Variants in DYRK1A observed in about 807,000 individuals in gnomAD.
The protein encoded by DYRK1A is dual specificity tyrosine phosphorylation regulated kinase 1A.
In DYRK1A, 9 loss-of-function variants were observed where a neutral mutation model predicts 79.7. The observed-to-expected ratio is 0.11, with a 90% CI of 0.07 to 0.20. The LOEUF (loss-of-function observed/expected upper bound fraction) is 0.20. Ranked by LOEUF, DYRK1A falls within the 10% of genes least tolerant of loss-of-function variation. The probability of loss-of-function intolerance (pLI) is 1.00; values close to 1 mark genes in which losing one functional copy is unlikely to be tolerated. For missense variants in DYRK1A, 622 were observed against 956.0 expected (o/e 0.65, Z 4.61); for synonymous variants, 349 against 329.7 (o/e 1.06, Z -0.63).
At chr21:37,455,760 C>G (rs2051616515) in intron 2 of DYRK1A, among the ~76,000 whole-genome samples, 1 of 152,188 alleles carries the variant, frequency 6.6e-6, no homozygotes, top group Admixed American at 6.5e-5. Flanking sequence ...TTCGTTCTAT[C>G]ATTTAGCATT....
chr21:37,381,803 AAAC>A (rs987546704), intron 1 of DYRK1A, among the ~76,000 whole-genome samples: 8 of 152,192 alleles, frequency 5.3e-5, no homozygotes, highest in African/African-American at 1.9e-4. Flanking sequence ...TCAAAAACAA[AAAC>A]AACAACAAAA....
chr21:37,404,086 A>T lies in DYRK1A; in HGVS notation c.-76-16213A>T, dbSNP rs551846093. Among the ~76,000 whole-genome samples, 16 of 152,252 alleles carry T rather than the reference A, an allele frequency of 1.1e-4. No homozygotes were observed. In the South Asian group the frequency reaches 2.1e-3, roughly 20 times the overall value. ...GTCTTGAAGGAGGAAGGGAATGTTCAGGTGTGTATTAGGGTTCTCCAGAGA... is the reference window on the plus strand; with the variant it reads ...GTCTTGAAGGAGGAAGGGAATGTTCTGGTGTGTATTAGGGTTCTCCAGAGA... On this transcript the variant is annotated intron_variant, in intron 1 of 11. Transcript: ENST00000647188.
chr21:37,424,621 A>T lies in DYRK1A; in HGVS notation c.10+4237A>T, dbSNP rs185025134. 7.3e-3 allele frequency among the ~76,000 whole-genome samples: 1,107 copies of T among 152,318 alleles called. 16 individuals carry two copies. The highest frequency in any genetic ancestry group is 0.032 in the Admixed American group (497 of 15,306). ...TTGCTGTTACTTTGAACTTGGAGCA[A>T]ATCCAGGGTACTCAGAATGCTTTTG... is the stretch of plus-strand genomic sequence containing the variant. On this transcript the variant is annotated intron_variant, in intron 2 of 11. Coordinates refer to ENST00000647188, the MANE Select transcript of DYRK1A (RefSeq NM_001347721.2).
At position 37,514,875 on chromosome 21, in the gene DYRK1A, C is replaced by A. The variant is rs1441987357; in HGVS notation, c.*2344C>A. ...GTGCTGGTTGCCACATCTTAGCAAG[C>A]ACCAAAAAACTAAAGCAGTTTTTAA... is the stretch of plus-strand genomic sequence containing the variant. On this transcript the variant is annotated 3_prime_UTR_variant, in exon 12 of 12. Transcript: ENST00000647188. 1 of 152,342 alleles carries A rather than the reference C, an allele frequency of 6.6e-6. No homozygotes were observed. The highest frequency in any genetic ancestry group is 1.5e-5 in the Non-Finnish European group (1 of 67,972). The allele number at this position is 152,342 out of a possible 1,614,324, so 9.4% of individuals were successfully genotyped here.
chr21:37,388,620 T>C (rs1015285571), intron 1 of DYRK1A, among the ~76,000 whole-genome samples: 9 of 152,092 alleles, frequency 5.9e-5, no homozygotes, highest in African/African-American at 1.7e-4. Context: ...AGAAATTGCC[T>C]TGTTTGACAA....
At chr21:37,388,418 G>A (rs543448638) in intron 1 of DYRK1A, among the ~76,000 whole-genome samples, 106 of 152,150 alleles carry the variant, frequency 7.0e-4, no homozygotes, top group African/African-American at 2.2e-3. Context: ...AAACCTAGAT[G>A]TATAATTTCA....
At chr21:37,471,659 G>T (rs1175322304) in intron 2 of DYRK1A, among the ~76,000 whole-genome samples, 2 of 152,172 alleles carry the variant, frequency 1.3e-5, no homozygotes, top group African/African-American at 4.8e-5. Flanking sequence ...GTCACCGGTA[G>T]TGCTGGGATC....
intron 1 of DYRK1A, among the ~76,000 whole-genome samples, chr21:37,400,364 T>C (rs1039578254): frequency 2.0e-5 from 3 of 152,218 alleles, no homozygotes; most frequent in African/African-American, 7.2e-5. Context: ...TTTCACAGTG[T>C]AGGATGTAGA....
At chr21:37,506,444 T>A in intron 11 of DYRK1A, 1 of 1,382,402 alleles carries the variant, frequency 7.2e-7, no homozygotes, top group Admixed American at 2.5e-5. Flanking sequence ...ATAACAGTTG[T>A]TGTTTTGAAC....
At chr21:37,401,302 C>G (rs1034085245) in intron 1 of DYRK1A, among the ~76,000 whole-genome samples, 2 of 151,868 alleles carry the variant, frequency 1.3e-5, no homozygotes, top group Non-Finnish European at 2.9e-5. Context: ...AGAAAGGTGC[C>G]AGTGGAAAGT....
intron 1 of DYRK1A, among the ~76,000 whole-genome samples, chr21:37,369,684 C>T (rs2049391730): frequency 6.6e-6 from 1 of 152,200 alleles, no homozygotes; most frequent in African/African-American, 2.4e-5. Flanking sequence ...CATGAAGGCA[C>T]ACTCCTTTTT....
chr21:37,391,293 A>T (rs569280631), intron 1 of DYRK1A, among the ~76,000 whole-genome samples: 2 of 152,202 alleles, frequency 1.3e-5, no homozygotes, highest in Non-Finnish European at 2.9e-5. Context: ...AGGTTTGGGG[A>T]TACATGAGCT....
rs2053905428 is a variant in DYRK1A at position 37,518,697 on chromosome 21, C to G, written c.*6166C>G. 1 of 147,246 alleles carries G rather than the reference C, an allele frequency of 6.8e-6. No homozygotes were observed. The highest frequency in any genetic ancestry group is 2.5e-5 in the African/African-American group (1 of 39,460). The allele number at this position is 147,246 out of a possible 1,614,324, so 9.1% of individuals were successfully genotyped here. Reference sequence around the variant, plus strand: ...GGGGTGTGATCTCGGCTCACTGCAACCTCCATTTCCCAGATTCAAGCGATT... The same window carrying G: ...GGGGTGTGATCTCGGCTCACTGCAAGCTCCATTTCCCAGATTCAAGCGATT... On this transcript the variant is annotated 3_prime_UTR_variant, in exon 12 of 12. Coordinates refer to ENST00000647188, the MANE Select transcript of DYRK1A (RefSeq NM_001347721.2).
intron 9 of DYRK1A, among the ~76,000 whole-genome samples, chr21:37,500,597 C>T (rs1458362188): frequency 8.6e-5 from 13 of 152,004 alleles, no homozygotes; most frequent in East Asian, 5.8e-4. Flanking sequence ...TCAGAACCTG[C>T]GACATTTTTT....
At chr21:37,502,048 C>T (rs560935863) in intron 9 of DYRK1A, 1 of 152,078 alleles carries the variant, frequency 6.6e-6, no homozygotes, top group African/African-American at 2.4e-5. Flanking sequence ...TATAGTCTTA[C>T]CAGTGTTCTT....
intron 1 of DYRK1A, among the ~76,000 whole-genome samples, chr21:37,378,624 A>T (rs1011604808): frequency 6.6e-6 from 1 of 152,252 alleles, no homozygotes; most frequent in African/African-American, 2.4e-5. Context: ...GTAAATGCCT[A>T]CAGAAAAGGG....
chr21:37,467,630 G>A (rs1025897549), intron 2 of DYRK1A, among the ~76,000 whole-genome samples: 1 of 152,132 alleles, frequency 6.6e-6, no homozygotes, highest in Non-Finnish European at 1.5e-5. Flanking sequence ...TACAGAAAGA[G>A]CATTTAATAA....
Position 37,437,399 on chromosome 21 carries a change from G to T in DYRK1A, c.10+17015G>T, listed in dbSNP as rs1315901834. Among the ~76,000 whole-genome samples the T allele has an allele frequency of 2.0e-5, 3 of 152,180 alleles. No homozygotes were observed. The East Asian group carries it at 5.8e-4, about 29-fold the overall frequency. On this transcript the variant is annotated intron_variant, in intron 2 of 11. Coordinates refer to ENST00000647188, the MANE Select transcript of DYRK1A (RefSeq NM_001347721.2). ...TAGGAGAAGCAGATTTTTTTGTGGA[G>T]TGGAGGGAAGGGATTGATTGTACTT... is the stretch of plus-strand genomic sequence containing the variant.
intron 1 of DYRK1A, among the ~76,000 whole-genome samples, chr21:37,383,999 C>T (rs2049711228): frequency 6.6e-6 from 1 of 152,112 alleles, no homozygotes; most frequent in Admixed American, 6.5e-5. Flanking sequence ...TTTCAGATAT[C>T]AGATAATAGG....
Sources: gnomAD v4.1 joint callset for allele counts (sites outside exome capture counted in the v4.1 genomes callset) on GRCh38, gnomAD v4.1.1 for gene constraint, MANE v1.5 for transcripts, NCBI Gene and HGNC (gene_info 2026-07-23, HGNC 2026-07-21) for gene names.